Variants in ADAMTSL1 observed in about 807,000 individuals in gnomAD.
ADAMTSL1 encodes ADAMTS like 1, also known as ADAMTS-like protein 1.
A neutral mutation model predicts 201.8 loss-of-function variants in ADAMTSL1; 126 were observed. That is an observed-to-expected ratio of 0.62 (90% CI 0.54 to 0.72). The LOEUF (loss-of-function observed/expected upper bound fraction) is 0.72. Among genes scored for constraint, ADAMTSL1 ranks in the 30% least tolerant of loss-of-function variants. The probability of loss-of-function intolerance (pLI) is 0.00; values close to 1 mark genes in which losing one functional copy is unlikely to be tolerated. For synonymous variants in ADAMTSL1, 1,121 were observed against 903.4 expected, an observed-to-expected ratio of 1.24 and a Z score of -4.32; for missense variants, 2,679 against 2,277.8, an observed-to-expected ratio of 1.18 and a Z score of -3.59.
At chr9:18,048,865 T>G (rs996010564) in intron 1 of ADAMTSL1, among the ~76,000 whole-genome samples, 9 of 152,142 alleles carry the variant, frequency 5.9e-5, no homozygotes, top group African/African-American at 1.9e-4. Flanking sequence ...TACCACAAAC[T>G]GGGTGGTTTA....
chr9:18,070,183 G>C lies in ADAMTSL1; in HGVS notation c.88-93679G>C, dbSNP rs115408794. ...AGAAACACAAGCATTCAAAGAACCA[G>C]AATAACCATAAAAAGGACTGGATAG... On this transcript the variant is annotated intron_variant, in intron 1 of 29. Transcript: ENST00000680146. Among the ~76,000 whole-genome samples, 552 of 152,308 alleles carry C rather than the reference G, an allele frequency of 3.6e-3. 3 individuals carry two copies. The highest frequency in any genetic ancestry group is 0.012 in the African/African-American group (516 of 41,574).
intron 2 of ADAMTSL1, among the ~76,000 whole-genome samples, chr9:18,196,969 A>C: frequency 6.6e-6 from 1 of 152,076 alleles, no homozygotes; most frequent in East Asian, 1.9e-4. Flanking sequence ...CCTCACACAC[A>C]TGCTAATTCT....
chr9:18,040,041 T>A (rs916672887), intron 1 of ADAMTSL1, among the ~76,000 whole-genome samples: 2 of 152,206 alleles, frequency 1.3e-5, no homozygotes, highest in Admixed American at 1.3e-4. Context: ...TGCCTATGTC[T>A]TGGCATTTTG....
chr9:18,286,476 G>A (rs1587471451), intron 2 of ADAMTSL1, among the ~76,000 whole-genome samples: 1 of 152,188 alleles, frequency 6.6e-6, no homozygotes, highest in Admixed American at 6.5e-5. Flanking sequence ...GAGAGACAGG[G>A]TCAGAGAGCA....
chr9:18,418,989 C>A (rs1035756118), intron 2 of ADAMTSL1, among the ~76,000 whole-genome samples: 15 of 152,222 alleles, frequency 9.9e-5, no homozygotes, highest in East Asian at 3.9e-4. Flanking sequence ...AAGAGAGAGA[C>A]AAATAGATCG....
chr9:18,710,063 G>T (rs1260324656), intron 14 of ADAMTSL1, among the ~76,000 whole-genome samples: 1 of 152,118 alleles, frequency 6.6e-6, no homozygotes, highest in African/African-American at 2.4e-5. Flanking sequence ...CATCGTGCCT[G>T]CCTCCCATGG....
At chr9:18,311,825 G>C (rs922721260) in intron 2 of ADAMTSL1, among the ~76,000 whole-genome samples, 1 of 152,110 alleles carries the variant, frequency 6.6e-6, no homozygotes, top group Non-Finnish European at 1.5e-5. Context: ...TATTACAAAG[G>C]GCTGCAATAA....
chr9:18,562,268 C>T (rs143659581), intron 3 of ADAMTSL1, among the ~76,000 whole-genome samples: 4,613 of 152,188 alleles, frequency 0.03, 85 homozygotes, highest in African/African-American at 0.041. Context: ...TTTTATTTCT[C>T]CTTCACTTAT....
At chr9:18,110,244 G>T (rs774080976) in intron 1 of ADAMTSL1, among the ~76,000 whole-genome samples, 1 of 152,180 alleles carries the variant, frequency 6.6e-6, no homozygotes, top group Non-Finnish European at 1.5e-5. Flanking sequence ...GTTGGCTATA[G>T]AGTGTCTAAT....
chr9:18,686,278 T>C (rs1364151198), intron 13 of ADAMTSL1, among the ~76,000 whole-genome samples: 1 of 152,204 alleles, frequency 6.6e-6, no homozygotes, highest in East Asian at 1.9e-4. Context: ...ATTATTTCTG[T>C]ACTGTAAAGT....
At chr9:18,454,107 A>T (rs1464433264) in intron 2 of ADAMTSL1, among the ~76,000 whole-genome samples, 1 of 152,166 alleles carries the variant, frequency 6.6e-6, no homozygotes, top group Non-Finnish European at 1.5e-5. Context: ...GGCCATCTCT[A>T]AGCTGGAGAC....
chr9:18,183,375 C>T (rs1218695236), intron 2 of ADAMTSL1, among the ~76,000 whole-genome samples: 1 of 152,118 alleles, frequency 6.6e-6, no homozygotes, highest in Admixed American at 6.5e-5. Flanking sequence ...AATTGATAAT[C>T]AAGACTTCAC....
intron 2 of ADAMTSL1, among the ~76,000 whole-genome samples, chr9:18,390,404 A>G (rs1361012461): frequency 1.3e-5 from 2 of 152,238 alleles, no homozygotes; most frequent in Non-Finnish European, 2.9e-5. Flanking sequence ...TCAGAAATCA[A>G]CAAAGGCAGT....
chr9:18,752,947 G>T (rs929562912), intron 15 of ADAMTSL1, among the ~76,000 whole-genome samples: 6 of 152,172 alleles, frequency 3.9e-5, no homozygotes, highest in African/African-American at 1.4e-4. Flanking sequence ...AATTCAGTAT[G>T]TGGTGCCCAA....
At chr9:18,654,615 T>C (rs1230688020) in intron 7 of ADAMTSL1, among the ~76,000 whole-genome samples, 2 of 152,222 alleles carry the variant, frequency 1.3e-5, no homozygotes, top group African/African-American at 2.4e-5. Flanking sequence ...TTTATAGATA[T>C]ATAACTGCTA....
At chr9:18,294,431 T>C (rs7865006) in intron 2 of ADAMTSL1, among the ~76,000 whole-genome samples, 19,482 of 152,256 alleles carry the variant, frequency 0.13, 1,322 homozygotes, top group Middle Eastern at 0.19. Context: ...GCCAAAATCT[T>C]GCCCAGGTTC....
chr9:18,631,530 C>T (rs1481376901), intron 5 of ADAMTSL1, among the ~76,000 whole-genome samples: 1 of 152,102 alleles, frequency 6.6e-6, no homozygotes, highest in Non-Finnish European at 1.5e-5. Context: ...GCTCCATAGG[C>T]ATAGAGGGAA....
chr9:18,066,552 T>G (rs1822711248), intron 1 of ADAMTSL1, among the ~76,000 whole-genome samples: 1 of 152,228 alleles, frequency 6.6e-6, no homozygotes, highest in African/African-American at 2.4e-5. Context: ...ACTAAAATAT[T>G]GTTTTTATAT....
chr9:18,098,570 G>C (rs1027266985), intron 1 of ADAMTSL1, among the ~76,000 whole-genome samples: 3 of 152,168 alleles, frequency 2.0e-5, no homozygotes, highest in African/African-American at 7.2e-5. Flanking sequence ...TATTGGCCTT[G>C]TATTATGCAA....
Sources: gnomAD v4.1 joint callset for allele counts (sites outside exome capture counted in the v4.1 genomes callset) on GRCh38, gnomAD v4.1.1 for gene constraint, MANE v1.5 for transcripts, NCBI Gene and HGNC (gene_info 2026-07-23, HGNC 2026-07-21) for gene names.